Variants in MYO16 observed in about 807,000 individuals in gnomAD.
The protein encoded by MYO16 is myosin XVI, also known as unconventional myosin-XVI.
A neutral mutation model predicts 205.3 loss-of-function variants in MYO16; 94 were observed. That is an observed-to-expected ratio of 0.46 (90% CI 0.39 to 0.54). The LOEUF (loss-of-function observed/expected upper bound fraction) is 0.54. Among genes scored for constraint, MYO16 ranks in the 20% least tolerant of loss-of-function variants. MYO16 has a pLI of 0.00. For missense variants in MYO16, 2,315 were observed against 2,387.5 expected, an observed-to-expected ratio of 0.97 and a Z score of 0.63; for synonymous variants, 988 against 954.0, an observed-to-expected ratio of 1.04 and a Z score of -0.66.
intron 15 of MYO16, among the ~76,000 whole-genome samples, chr13:108,902,586 G>A (rs1458844063): frequency 4.6e-5 from 7 of 152,184 alleles, no homozygotes; most frequent in Non-Finnish European, 8.8e-5. Flanking sequence ...GTAGACGCAC[G>A]AGCTCTTGAC....
intron 7 of MYO16, among the ~76,000 whole-genome samples, chr13:108,808,257 A>C (rs72652162): frequency 0.069 from 10,462 of 151,626 alleles, 480 homozygotes; most frequent in East Asian, 0.23. Flanking sequence ...TAGACCTTCC[A>C]GAGGCCCATA....
intron 1 of MYO16, among the ~76,000 whole-genome samples, chr13:108,654,195 G>T (rs1881140461): frequency 6.6e-6 from 1 of 152,114 alleles, no homozygotes; most frequent in African/African-American, 2.4e-5. Context: ...GTACCAAGGT[G>T]ACACGCTTTG....
At chr13:108,999,357 C>T (rs563323790) in intron 21 of MYO16, among the ~76,000 whole-genome samples, 1 of 152,246 alleles carries the variant, frequency 6.6e-6, no homozygotes, top group African/African-American at 2.4e-5. Context: ...TTGAACTTTC[C>T]AAAATCATTT....
rs1289928884 is a variant in MYO16 at position 108,968,489 on chromosome 13, G to A, written c.2369+3587G>A. On this transcript the variant is annotated intron_variant, in intron 20 of 34. Transcript: ENST00000457511. Reference sequence around the variant, plus strand: ...AAAATACAAAAAATTAGCCAGGCGTGGTGGTGCATCCCTGTAGACCCAGCT... The same window carrying A: ...AAAATACAAAAAATTAGCCAGGCGTAGTGGTGCATCCCTGTAGACCCAGCT... Among the ~76,000 whole-genome samples, 6 of 152,014 alleles carry A rather than the reference G, an allele frequency of 3.9e-5. No individual in the cohort carries two copies. In the East Asian group the frequency reaches 9.7e-4, roughly 25 times the overall value.
chr13:108,758,831 G>A (rs567305140), intron 4 of MYO16, among the ~76,000 whole-genome samples: 49 of 152,266 alleles, frequency 3.2e-4, no homozygotes, highest in African/African-American at 1.1e-3. Flanking sequence ...TACATTTTGA[G>A]GACTCGGAAA....
intron 3 of MYO16, 85 bp from the exon 4 acceptor site, chr13:108,727,354 AG>A: frequency 7.1e-7 from 1 of 1,399,784 alleles, no homozygotes; most frequent in African/African-American, 1.4e-5. Context: ...TTGGTATTGA[AG>A]TTTTTTTTTA....
chr13:109,112,822 A>C (rs991747606), intron 28 of MYO16, among the ~76,000 whole-genome samples: 2 of 152,208 alleles, frequency 1.3e-5, no homozygotes, highest in Admixed American at 6.5e-5. Context: ...TATTCAAAGC[A>C]TTTTTTAAAA....
intron 22 of MYO16, among the ~76,000 whole-genome samples, chr13:109,009,518 A>G (rs960948613): frequency 1.3e-5 from 2 of 152,338 alleles, no homozygotes; most frequent in Non-Finnish European, 2.9e-5. Flanking sequence ...GTCTCACAGC[A>G]TCTGCAGGTG....
At chr13:109,124,955 T>C (rs192217383) in intron 29 of MYO16, among the ~76,000 whole-genome samples, 157 bp from the exon 30 acceptor site, 34 of 152,366 alleles carry the variant, frequency 2.2e-4, no homozygotes, top group Admixed American at 2.2e-3. Flanking sequence ...GCTTTGCCTT[T>C]AGTGTTATCA....
intron 1 of MYO16, among the ~76,000 whole-genome samples, chr13:108,650,312 T>C (rs1880942491): frequency 6.6e-6 from 1 of 152,184 alleles, no homozygotes; most frequent in Non-Finnish European, 1.5e-5. Context: ...ATCTAAAATG[T>C]GTAATGTTCA....
the MYO16 span, among the ~76,000 whole-genome samples, chr13:108,590,764 CA>C: frequency 6.6e-6 from 1 of 152,008 alleles, no homozygotes; most frequent in Non-Finnish European, 1.5e-5. Flanking sequence ...CGTAGACCAC[CA>C]AAGATTGCCA....
In MYO16 at chr13:108,767,127, G is replaced by A. The variant is rs188512698; in HGVS notation, c.508-18508G>A. ...TTGTTTTGTTTTGTTTTGAGACAGG[G>A]AGTCTCTCTCTGTCGCCCAGGCTGG... On this transcript the variant is annotated intron_variant, in intron 4 of 34. Coordinates refer to ENST00000457511, the MANE Select transcript of MYO16 (RefSeq NM_001198950.3). Among the ~76,000 whole-genome samples the A allele has an allele frequency of 5.3e-5, 8 of 152,104 alleles. No individual in the cohort carries two copies. The East Asian group carries it at 1.4e-3, about 26-fold the overall frequency.
chr13:109,064,816 G>A (rs1212404285), intron 27 of MYO16, among the ~76,000 whole-genome samples: 1 of 152,150 alleles, frequency 6.6e-6, no homozygotes, highest in Non-Finnish European at 1.5e-5. Flanking sequence ...GTGGAGAAGT[G>A]CCCTCCTCAT....
intron 27 of MYO16, among the ~76,000 whole-genome samples, chr13:109,095,606 G>A (rs927712973): frequency 1.3e-5 from 2 of 152,132 alleles, no homozygotes; most frequent in Admixed American, 6.5e-5. Context: ...TGAGAAAAAA[G>A]CATCAGGTGC....
At chr13:108,742,351 C>G (rs1042821790) in intron 4 of MYO16, among the ~76,000 whole-genome samples, 3 of 151,940 alleles carry the variant, frequency 2.0e-5, no homozygotes, top group African/African-American at 4.8e-5. Context: ...GGTGTGAAAT[C>G]CCAAATACAA....
chr13:108,776,286 T>A (rs1886122237), intron 4 of MYO16, among the ~76,000 whole-genome samples: 1 of 152,070 alleles, frequency 6.6e-6, no homozygotes, highest in African/African-American at 2.4e-5. Context: ...GTCAGGGGCA[T>A]CCAGAAAAAA....
At chr13:109,053,958 A>C (rs1463870607) in intron 25 of MYO16, among the ~76,000 whole-genome samples, 1 of 152,142 alleles carries the variant, frequency 6.6e-6, no homozygotes, top group Non-Finnish European at 1.5e-5. Flanking sequence ...AGCTATTGTC[A>C]TAATAGCAAA....
At chr13:108,748,674 G>A (rs1015075973) in intron 4 of MYO16, among the ~76,000 whole-genome samples, 1 of 152,148 alleles carries the variant, frequency 6.6e-6, no homozygotes, top group East Asian at 1.9e-4. Flanking sequence ...CAAGCAGACC[G>A]ATATAAATAT....
chr13:108,630,154 A>C (rs79506693), intron 1 of MYO16, among the ~76,000 whole-genome samples: 1 of 151,702 alleles, frequency 6.6e-6, no homozygotes, highest in Non-Finnish European at 1.5e-5. Flanking sequence ...AAAAAAAAAA[A>C]ACACCAGAAA....
Sources: gnomAD v4.1 joint callset for allele counts (sites outside exome capture counted in the v4.1 genomes callset) on GRCh38, gnomAD v4.1.1 for gene constraint, MANE v1.5 for transcripts, NCBI Gene and HGNC (gene_info 2026-07-23, HGNC 2026-07-21) for gene names.